The following MYO1B variants were observed in gnomAD, a reference collection of about 807,000 sequenced individuals.
The protein encoded by MYO1B is unconventional myosin-Ib.
In MYO1B, 72 loss-of-function variants were observed where a neutral mutation model predicts 159.7. The ratio of observed to expected loss-of-function variants is 0.45; its 90% CI spans 0.37 to 0.55. The LOEUF is 0.55. Among genes scored for constraint, MYO1B ranks in the 20% least tolerant of loss-of-function variants. The pLI is 0.00. For missense variants in MYO1B, 1,062 were observed against 1,364.8 expected, an observed-to-expected ratio of 0.78 and a Z score of 3.50; for synonymous variants, 468 against 473.8, an observed-to-expected ratio of 0.99 and a Z score of 0.16.
At chr2:191,269,647 T>C (rs1003729717) in intron 1 of MYO1B, among the ~76,000 whole-genome samples, 1 of 152,182 alleles carries the variant, frequency 6.6e-6, no homozygotes, top group Non-Finnish European at 1.5e-5. Flanking sequence ...CCTAATCAGA[T>C]TGTGATTTGA....
intron 5 of MYO1B, among the ~76,000 whole-genome samples, chr2:191,342,354 A>C (rs924073967): frequency 1.2e-4 from 19 of 152,146 alleles, no homozygotes; most frequent in African/African-American, 4.1e-4. Flanking sequence ...CCCACCTCCT[A>C]ATACTAGCTT....
intron 1 of MYO1B, chr2:191,248,050 T>C (rs1685892660): frequency 1.0e-6 from 1 of 983,482 alleles, no homozygotes; most frequent in Non-Finnish European, 1.2e-6. Context: ...CTTCAGCATG[T>C]AGCATCCATG....
At position 191,328,457 on chromosome 2, in the gene MYO1B, T is replaced by TTAGCTC. The variant is rs567204675; in HGVS notation, c.252-1476_252-1471dup. On this transcript the variant is annotated intron_variant, in intron 3 of 30. Coordinates refer to ENST00000392318, the MANE Select transcript of MYO1B (RefSeq NM_001130158.3). Reference sequence around the variant, plus strand: ...TTATCCCAGTGGTCAGTCGCAGGCGTTAGCTCTGGCCCTGCTGTGTCACAC... The same window carrying TTAGCTC: ...TTATCCCAGTGGTCAGTCGCAGGCGTTAGCTCTAGCTCTGGCCCTGCTGTGTCACAC... Among the ~76,000 whole-genome samples the TTAGCTC allele has an allele frequency of 3.4e-3, 513 of 152,326 alleles. 3 individuals are homozygous for TTAGCTC. The highest frequency in any genetic ancestry group is 0.012 in the African/African-American group (499 of 41,572).
intron 2 of MYO1B, among the ~76,000 whole-genome samples, chr2:191,293,203 T>G (rs1311108599): frequency 6.6e-6 from 1 of 152,214 alleles, no homozygotes; most frequent in Admixed American, 6.5e-5. Context: ...CAGGGAGAAA[T>G]TCCAATTGAA....
rs1217162335 is a variant in MYO1B at position 191,363,721 on chromosome 2, T to A, written c.766-7T>A. 1.9e-6 allele frequency: 3 copies of A among 1,572,580 alleles called. No individual in the cohort carries two copies. Among genetic ancestry groups the A allele is most frequent in the Non-Finnish European group, 2.6e-6 (3 of 1,167,812 alleles). ...AAAAATAGTTGCTTTTTTTTTTCTCTCCCCAGAATGCCATGCAGATTGTGG... is the reference window on the plus strand; with the variant it reads ...AAAAATAGTTGCTTTTTTTTTTCTCACCCCAGAATGCCATGCAGATTGTGG... On this transcript the variant is annotated splice_polypyrimidine_tract_variant and splice_region_variant and intron_variant, in intron 9 of 30. Transcript: ENST00000392318.
chr2:191,400,864 A>G (rs926001193), intron 23 of MYO1B, 29 bp downstream of exon 23: 2 of 1,601,538 alleles, frequency 1.2e-6, no homozygotes, highest in Non-Finnish European at 8.5e-7. Flanking sequence ...CCAACACTCC[A>G]TCCTGGAATT....
At chr2:191,415,748 G>A (rs1423709571) in intron 29 of MYO1B, among the ~76,000 whole-genome samples, 1 of 152,136 alleles carries the variant, frequency 6.6e-6, no homozygotes, top group Non-Finnish European at 1.5e-5. Flanking sequence ...CAGAAGAGTT[G>A]CGGGATAGGT....
chr2:191,385,529 TAG>T (rs59724657), intron 15 of MYO1B, among the ~76,000 whole-genome samples: 119,257 of 151,992 alleles, frequency 0.78, 52,485 homozygotes, highest in Non-Finnish European at 0.98. Context: ...TTTCTGCTTT[TAG>T]ATTTCTTTTT....
intron 7 of MYO1B, among the ~76,000 whole-genome samples, chr2:191,356,337 C>CTTTTTTTTTTTTTTTT (rs79525897): frequency 8.5e-5 from 9 of 106,446 alleles, no homozygotes; most frequent in Non-Finnish European, 1.2e-4. Context: ...GGCTGGGCTT[C>CTTTTTTTTTTTTTTTT]TTTTTTTTTT....
chr2:191,418,267 G>T (rs565916824), intron 30 of MYO1B, among the ~76,000 whole-genome samples: 1 of 152,194 alleles, frequency 6.6e-6, no homozygotes, highest in South Asian at 2.1e-4. Flanking sequence ...AGGCAGGGGC[G>T]CCTGTTCCTT....
Position 191,304,421 on chromosome 2 carries a change from T to C in MYO1B, c.251+8195T>C, listed in dbSNP as rs555494645. On this transcript the variant is annotated intron_variant, in intron 3 of 30. Coordinates refer to ENST00000392318, the MANE Select transcript of MYO1B (RefSeq NM_001130158.3). Reference sequence around the variant, plus strand: ...CCCTGTCTCTAATAAATATACAAAATTAGCCTGGCGTAGTGGTGCATGCCT... The same window carrying C: ...CCCTGTCTCTAATAAATATACAAAACTAGCCTGGCGTAGTGGTGCATGCCT... Among the ~76,000 whole-genome samples the C allele has an allele frequency of 4.0e-4, 61 of 152,186 alleles. No individual in the cohort carries two copies. The East Asian group carries it at 0.011, about 28-fold the overall frequency.
chr2:191,305,785 AGTG>A (rs1320342936), intron 3 of MYO1B, among the ~76,000 whole-genome samples: 1 of 152,182 alleles, frequency 6.6e-6, no homozygotes, highest in Non-Finnish European at 1.5e-5. Context: ...ATGAGCAGTA[AGTG>A]GTGTGGTCCC....
At chr2:191,318,465 T>C (rs1477184977) in intron 3 of MYO1B, among the ~76,000 whole-genome samples, 2 of 152,302 alleles carry the variant, frequency 1.3e-5, no homozygotes, top group South Asian at 2.1e-4. Flanking sequence ...AATAAAAATA[T>C]GTGTACTATG....
chr2:191,403,754 T>C (rs754548969), intron 24 of MYO1B, among the ~76,000 whole-genome samples: 1 of 152,218 alleles, frequency 6.6e-6, no homozygotes, highest in Non-Finnish European at 1.5e-5. Context: ...AATTAAGAAG[T>C]AACTTAAATA....
chr2:191,281,565 C>T (rs1046403743), intron 2 of MYO1B, among the ~76,000 whole-genome samples: 4 of 152,188 alleles, frequency 2.6e-5, no homozygotes, highest in Non-Finnish European at 4.4e-5. Context: ...CCCTCCCCGG[C>T]CCCCAGGCCA....
rs957301472 is a variant in MYO1B, at chr2:191,264,722, C to T, written c.-9-12165C>T. Among the ~76,000 whole-genome samples the T allele has an allele frequency of 4.6e-5, 7 of 151,572 alleles. 1 individual carries two copies. The highest frequency in any genetic ancestry group is 1.5e-4 in the African/African-American group (6 of 41,280). On this transcript the variant is annotated intron_variant, in intron 1 of 30. Coordinates refer to ENST00000392318, the MANE Select transcript of MYO1B (RefSeq NM_001130158.3). ...TTTCCTTTGCCTCTGAGTAATGTCA[C>T]TGAGAGAGATTCTTGTGGTCTGGCA...
intron 2 of MYO1B, among the ~76,000 whole-genome samples, chr2:191,294,916 A>G (rs1215877629): frequency 6.6e-6 from 1 of 151,980 alleles, no homozygotes; most frequent in Non-Finnish European, 1.5e-5. Context: ...ACGTTCCTTC[A>G]TTTTCTATTC....
chr2:191,368,118 A>C (rs1694126262), intron 11 of MYO1B, among the ~76,000 whole-genome samples: 1 of 152,206 alleles, frequency 6.6e-6, no homozygotes, highest in South Asian at 2.1e-4. Context: ...TGAAGGGAAA[A>C]GGTGTTATCT....
chr2:191,270,084 T>A (rs1036488404), intron 1 of MYO1B, among the ~76,000 whole-genome samples: 2 of 152,172 alleles, frequency 1.3e-5, no homozygotes, highest in African/African-American at 4.8e-5. Context: ...CCATGCAATT[T>A]GGCTGAATTT....
Sources: allele counts gnomAD v4.1 joint callset (sites outside exome capture counted in the v4.1 genomes callset), GRCh38; gene constraint gnomAD v4.1.1; transcripts MANE v1.5; gene names NCBI Gene and HGNC (gene_info 2026-07-23, HGNC 2026-07-21).